HEMK2: variants seen among roughly 807,000 people sequenced by gnomAD.
HEMK2 encodes the protein methyltransferase HEMK2.
At chr21:28,715,195 GT>G in the HEMK2 span, among the ~76,000 whole-genome samples, 1 of 152,112 alleles carries the variant, frequency 6.6e-6, no homozygotes, top group Admixed American at 6.6e-5. Context: ...TCTATTTTTA[GT>G]TCTTTGAGAA....
chr21:28,690,458 A>G, the HEMK2 span, among the ~76,000 whole-genome samples: 2 of 152,210 alleles, frequency 1.3e-5, no homozygotes, highest in African/African-American at 4.8e-5. Flanking sequence ...GAAGCAAGTC[A>G]AGCTCACCTG....
chr21:28,642,996 A>G, the HEMK2 span, among the ~76,000 whole-genome samples: 1 of 152,176 alleles, frequency 6.6e-6, no homozygotes, highest in African/African-American at 2.4e-5. Context: ...GGTGGGGTTT[A>G]GCCGGGAACC....
the HEMK2 span, among the ~76,000 whole-genome samples, chr21:28,772,209 A>G: frequency 6.6e-6 from 1 of 152,208 alleles, no homozygotes; most frequent in South Asian, 2.1e-4. Context: ...TGTTTCAACC[A>G]TGCCTATGTT....
At chr21:28,579,225 A>G in the HEMK2 span, among the ~76,000 whole-genome samples, 2 of 152,344 alleles carry the variant, frequency 1.3e-5, no homozygotes, top group South Asian at 4.1e-4. Flanking sequence ...ATATGTCATT[A>G]CATTATATTT....
At chr21:28,722,263 G>A in the HEMK2 span, among the ~76,000 whole-genome samples, 39 of 152,074 alleles carry the variant, frequency 2.6e-4, no homozygotes, top group Middle Eastern at 3.4e-3. Flanking sequence ...GGGATTTGGG[G>A]ATAAATATTA....
the HEMK2 span, among the ~76,000 whole-genome samples, chr21:28,880,594 C>T: frequency 6.6e-6 from 1 of 151,844 alleles, no homozygotes; most frequent in South Asian, 2.1e-4. Context: ...AATACAAAAA[C>T]TAGTCGGGCA....
At chr21:28,777,796 C>A in the HEMK2 span, among the ~76,000 whole-genome samples, 1 of 152,056 alleles carries the variant, frequency 6.6e-6, no homozygotes, top group Non-Finnish European at 1.5e-5. Flanking sequence ...TCTTCAAAGC[C>A]TAGCTAGTGA....
At chr21:28,810,353 C>G in the HEMK2 span, among the ~76,000 whole-genome samples, 6 of 152,068 alleles carry the variant, frequency 3.9e-5, no homozygotes, top group Non-Finnish European at 7.4e-5. Context: ...ACTGAGAGAG[C>G]AACAGTCATG....
chr21:28,763,071 AG>A, the HEMK2 span, among the ~76,000 whole-genome samples: 2 of 152,100 alleles, frequency 1.3e-5, no homozygotes, highest in African/African-American at 4.8e-5. Flanking sequence ...ACAAGGTAAA[AG>A]CTTCTGCACA....
chr21:28,767,983 T>C, the HEMK2 span, among the ~76,000 whole-genome samples: 1 of 151,952 alleles, frequency 6.6e-6, no homozygotes, highest in Non-Finnish European at 1.5e-5. Context: ...TCCAACGTGA[T>C]TGTTAGTTAT....
the HEMK2 span, among the ~76,000 whole-genome samples, chr21:28,734,132 G>T: frequency 6.6e-6 from 1 of 152,100 alleles, no homozygotes; most frequent in East Asian, 1.9e-4. Context: ...AAATGAAACT[G>T]AGCCACTCAC....
At chr21:28,784,043 G>A in the HEMK2 span, among the ~76,000 whole-genome samples, 11 of 152,268 alleles carry the variant, frequency 7.2e-5, no homozygotes, top group South Asian at 2.1e-4. Context: ...CTCCCCCCAC[G>A]GCGGTGGGCT....
chr21:28,641,317 A>T, the HEMK2 span, among the ~76,000 whole-genome samples: 18 of 152,206 alleles, frequency 1.2e-4, no homozygotes, highest in African/African-American at 4.3e-4. Context: ...ACTGAAGAGA[A>T]GTGCCCCAAT....
At chr21:28,709,266 G>C in the HEMK2 span, among the ~76,000 whole-genome samples, 1 of 152,242 alleles carries the variant, frequency 6.6e-6, no homozygotes, top group East Asian at 1.9e-4. Flanking sequence ...AATCACAAAA[G>C]GTATATGTAG....
chr21:28,883,352 T>C, the HEMK2 span, among the ~76,000 whole-genome samples: 6,303 of 152,250 alleles, frequency 0.041, 178 homozygotes, highest in Non-Finnish European at 0.06. Context: ...CATTAAAAAG[T>C]ATGGAAAAAT....
At chr21:28,661,526 T>C in the HEMK2 span, among the ~76,000 whole-genome samples, 1 of 152,110 alleles carries the variant, frequency 6.6e-6, no homozygotes, top group Admixed American at 6.6e-5. Context: ...GTCTCTGTCT[T>C]AACATCAGCA....
At chr21:28,864,193 A>G in the HEMK2 span, among the ~76,000 whole-genome samples, 4 of 152,328 alleles carry the variant, frequency 2.6e-5, no homozygotes, top group East Asian at 3.9e-4. Flanking sequence ...TGAAAGGATT[A>G]TAAGTTATAG....
At chr21:28,731,594 C>T in the HEMK2 span, among the ~76,000 whole-genome samples, 76,097 of 131,362 alleles carry the variant, frequency 0.58, 24,054 homozygotes, top group African/African-American at 0.88. Flanking sequence ...CATCACACTC[C>T]GGGAACTGTT....
At chr21:28,785,829 C>T in the HEMK2 span, among the ~76,000 whole-genome samples, 22,075 of 152,194 alleles carry the variant, frequency 0.15, 3,004 homozygotes, top group African/African-American at 0.35. Context: ...GACCATCTCC[C>T]GTATACACCA....
Sources: allele counts gnomAD v4.1 joint callset (sites outside exome capture counted in the v4.1 genomes callset), GRCh38; gene constraint gnomAD v4.1.1; transcripts MANE v1.5; gene names NCBI Gene and HGNC (gene_info 2026-07-23, HGNC 2026-07-21).